The following ZMYND11 variants were observed in gnomAD, a reference collection of about 807,000 sequenced individuals.
ZMYND11 encodes zinc finger MYND-type containing 11.
Under a neutral mutation model 84.9 loss-of-function variants are expected in ZMYND11, and 9 were observed. That is an observed-to-expected ratio of 0.11 (90% CI 0.06 to 0.18). The LOEUF (loss-of-function observed/expected upper bound fraction) is 0.18, where lower values mean the gene tolerates loss of function less well. Ranked by LOEUF, ZMYND11 falls within the 10% of genes least tolerant of loss-of-function variation. The probability of loss-of-function intolerance (pLI) is 1.00; values close to 1 mark genes in which losing one functional copy is unlikely to be tolerated. For synonymous variants in ZMYND11, 250 were observed against 244.1 expected (o/e 1.02, Z -0.23); for missense variants, 409 against 761.0 (o/e 0.54, Z 5.44).
chr10:170,389 T>A (rs782497266), intron 1 of ZMYND11, among the ~76,000 whole-genome samples: 50 of 152,080 alleles, frequency 3.3e-4, no homozygotes, highest in Admixed American at 1.1e-3. Flanking sequence ...ACAGATAATT[T>A]TTTCGAAACA....
At chr10:200,084 GGAAT>G (rs2131073575) in intron 2 of ZMYND11, among the ~76,000 whole-genome samples, 1 of 151,316 alleles carries the variant, frequency 6.6e-6, no homozygotes, top group South Asian at 2.1e-4. Context: ...CTGGCCCGTA[GGAAT>G]GATGAATACA....
chr10:131,717 G>A (rs1042329203), upstream of ZMYND11, among the ~76,000 whole-genome samples: 1 of 151,608 alleles, frequency 6.6e-6, no homozygotes, highest in Non-Finnish European at 1.5e-5. Context: ...TTGTAGAGAT[G>A]CGTCCTCGTT....
intron 2 of ZMYND11, among the ~76,000 whole-genome samples, chr10:188,066 T>C (rs1264112619): frequency 6.6e-6 from 1 of 152,244 alleles, no homozygotes; most frequent in East Asian, 1.9e-4. Flanking sequence ...CTGTAAATGC[T>C]AAATTATAGC....
intron 1 of ZMYND11, among the ~76,000 whole-genome samples, chr10:138,209 A>C (rs1310682422): frequency 6.9e-6 from 1 of 145,160 alleles, no homozygotes; most frequent in East Asian, 2.1e-4. Flanking sequence ...TCCCAGGCTT[A>C]AGCGATTCTC....
At chr10:140,274 A>G (rs916824914) in intron 1 of ZMYND11, among the ~76,000 whole-genome samples, 8 of 152,234 alleles carry the variant, frequency 5.3e-5, no homozygotes, top group Non-Finnish European at 1.0e-4. Context: ...AATACCCAAT[A>G]CAATAGTCCT....
chr10:248,766 C>T (rs1952730403), intron 13 of ZMYND11, 137 bp from the exon 14 acceptor site: 2 of 1,389,220 alleles, frequency 1.4e-6, no homozygotes, highest in Non-Finnish European at 1.9e-6. Context: ...ATGATACTTT[C>T]CTCACCTAAA....
chr10:153,302 T>C (rs981002658), intron 1 of ZMYND11, among the ~76,000 whole-genome samples: 2 of 152,236 alleles, frequency 1.3e-5, no homozygotes, highest in Admixed American at 1.3e-4. Context: ...TATAATTGAA[T>C]AACCAATTAA....
intron 4 of ZMYND11, among the ~76,000 whole-genome samples, chr10:223,433 GTTC>G (rs1947501043): frequency 6.6e-6 from 1 of 152,050 alleles, no homozygotes; most frequent in South Asian, 2.1e-4. Context: ...ATTCTGTTCT[GTTC>G]TTCTCTTTTC....
chr10:201,971 A>C (rs1239574335), intron 2 of ZMYND11, among the ~76,000 whole-genome samples: 2 of 152,174 alleles, frequency 1.3e-5, no homozygotes, highest in Non-Finnish European at 2.9e-5. Context: ...GAAGAAGAAA[A>C]GTTCTTGTTA....
intron 7 of ZMYND11, chr10:239,825 A>G (rs1950582390): frequency 3.6e-6 from 2 of 553,178 alleles, no homozygotes; most frequent in East Asian, 2.9e-5. Flanking sequence ...CCCCACTAGT[A>G]CCACATCATC....
At chr10:251,259 C>CT (rs1382531889) in intron 14 of ZMYND11, among the ~76,000 whole-genome samples, 1 of 152,096 alleles carries the variant, frequency 6.6e-6, no homozygotes, top group Non-Finnish European at 1.5e-5. Context: ...GATGAGGAAA[C>CT]TAAGAAGTTA....
At chr10:246,432 C>A (rs1952181743) in intron 10 of ZMYND11, among the ~76,000 whole-genome samples, 1 of 152,156 alleles carries the variant, frequency 6.6e-6, no homozygotes, top group African/African-American at 2.4e-5. Context: ...CAGATATGAA[C>A]TAGGACAAGC....
intron 1 of ZMYND11, among the ~76,000 whole-genome samples, chr10:158,984 G>GTTTTTGT: frequency 2.5e-5 from 1 of 40,024 alleles, no homozygotes; most frequent in Admixed American, 3.2e-4. Flanking sequence ...AGGGTTTTTT[G>GTTTTTGT]TTTTTTGTTT....
chr10:242,224 A>G, intron 10 of ZMYND11, 85 bp downstream of exon 10: 1 of 1,516,734 alleles, frequency 6.6e-7, no homozygotes, highest in Non-Finnish European at 8.9e-7. Flanking sequence ...TCAGAGATGC[A>G]TGAAGTTTAT....
At chr10:175,395 C>G (rs143013573) in intron 1 of ZMYND11, among the ~76,000 whole-genome samples, 3,041 of 152,194 alleles carry the variant, frequency 0.02, 97 homozygotes, top group African/African-American at 0.069. Context: ...TGGCGAAACC[C>G]CATCTCTACT....
chr10:146,049 T>G (rs1455999742), intron 1 of ZMYND11, among the ~76,000 whole-genome samples: 1 of 152,180 alleles, frequency 6.6e-6, no homozygotes, highest in African/African-American at 2.4e-5. Context: ...CTTGAGTTGA[T>G]TTTTGTATAA....
intron 2 of ZMYND11, among the ~76,000 whole-genome samples, chr10:202,151 A>G (rs1417638419): frequency 1.3e-5 from 2 of 152,206 alleles, no homozygotes; most frequent in Non-Finnish European, 2.9e-5. Flanking sequence ...ATCAGCCTTC[A>G]GAGTTTATTA....
chr10:251,491 G>T (rs1423874924), intron 14 of ZMYND11, among the ~76,000 whole-genome samples: 5 of 152,234 alleles, frequency 3.3e-5, no homozygotes, highest in African/African-American at 1.2e-4. Flanking sequence ...CTTCCTCCAG[G>T]GCTCTCAACA....
intron 6 of ZMYND11, among the ~76,000 whole-genome samples, chr10:238,312 C>T (rs1236465887): frequency 6.6e-6 from 1 of 152,070 alleles, no homozygotes; most frequent in Non-Finnish European, 1.5e-5. Flanking sequence ...GTCATTATAG[C>T]CTATAGGGAG....
Sources: gnomAD v4.1 joint callset for allele counts (sites outside exome capture counted in the v4.1 genomes callset) on GRCh38, gnomAD v4.1.1 for gene constraint, MANE v1.5 for transcripts, NCBI Gene and HGNC (gene_info 2026-07-23, HGNC 2026-07-21) for gene names.